GRIN2C: variants seen among roughly 807,000 people sequenced by gnomAD.
GRIN2C encodes the protein glutamate ionotropic receptor NMDA type subunit 2C.
GRIN2C carries 64 observed loss-of-function variants against 77.7 expected under a neutral mutation model. The ratio of observed to expected loss-of-function variants is 0.82; its 90% CI spans 0.67 to 1.01. The LOEUF (loss-of-function observed/expected upper bound fraction) is 1.01. GRIN2C is among the 50% of genes least tolerant of loss of function. The pLI, the probability that GRIN2C is intolerant of heterozygous loss-of-function variation, is 0.00. For missense variants in GRIN2C, 1,549 were observed against 1,486.0 expected (o/e 1.04, Z -0.70); for synonymous variants, 792 against 643.4 (o/e 1.23, Z -3.49).
upstream of GRIN2C, chr17:74,860,891 C>A: frequency 3.9e-6 from 1 of 258,536 alleles, no homozygotes. Flanking sequence ...AGCAGGTGCC[C>A]AGCAGACCTA....
rs761413940 is a variant in GRIN2C, at chr17:74,846,236, A to G, written c.2180T>C (p.Ile727Thr). Reference protein sequence around the residue: ...SLKMGKLDAFIYDAAVLNYMA... With the variant: ...SLKMGKLDAFTYDAAVLNYMA... ...GTAGTTGAGGACAGCAGCATCATAG[A>G]TGAAGGCATCCAGCTTCCTGGGGAC... The change falls in exon 11 of 13, where the codon ATC (isoleucine) becomes ACC (threonine). Residue 727 changes from isoleucine to threonine, a missense_variant. Physicochemically the swap from Ile to Thr is moderately conservative, Grantham distance 89. This residue lies in a region of GRIN2C where 717 missense variants were observed against 858.1 expected (regional missense o/e 0.84). Coordinates refer to ENST00000293190, the MANE Select transcript of GRIN2C (RefSeq NM_000835.6). The surrounding 1 kb of genome is among the most constrained non-coding windows in gnomAD (Gnocchi z 4.4). 6.2e-7 allele frequency: 1 copy of G among 1,614,112 alleles called. No individual in the cohort carries two copies. The highest frequency in any genetic ancestry group is 8.5e-7 in the Non-Finnish European group (1 of 1,179,960).
intron 1 of GRIN2C, among the ~76,000 whole-genome samples, chr17:74,857,054 G>T (rs2037839206): frequency 6.6e-6 from 1 of 152,196 alleles, no homozygotes; most frequent in Non-Finnish European, 1.5e-5. Context: ...CTATGGGTGA[G>T]ACATGGTCCC....
At chr17:74,851,466 A>C in intron 4 of GRIN2C, 111 bp downstream of exon 4, 1 of 648,384 alleles carries the variant, frequency 1.5e-6, no homozygotes, top group Non-Finnish European at 2.8e-6. Context: ...GACCTGGAAG[A>C]TGAGGGGTTG....
At chr17:74,860,392 C>T (rs1480909046), upstream of GRIN2C, 1 of 456,414 alleles carries the variant, frequency 2.2e-6, no homozygotes, top group Non-Finnish European at 4.4e-6. Flanking sequence ...GGCTGGGAAA[C>T]CGAGTGGACG....
In GRIN2C at chr17:74,849,707, CA is replaced by C. The variant is rs2037570866; in HGVS notation, c.1645+72del. ...GAGAGCCCACCCAACTCCCCATCCC[CA>C]CCCAAGCTGTACACACCCTCCTCGT... On this transcript the variant is annotated intron_variant, in intron 7 of 12. Transcript: ENST00000293190. This position sits in a 1 kb window ranked among gnomAD's most constrained non-coding sequence, Gnocchi z 4.6. The C allele has an allele frequency of 7.0e-7, 1 of 1,428,524 alleles. No individual in the cohort carries two copies. The highest frequency in any genetic ancestry group is 1.4e-5 in the African/African-American group (1 of 69,524). The allele number at this position is 1,428,524 out of a possible 1,614,324, so 88.5% of individuals were successfully genotyped here. A position where few individuals can be genotyped will look rare whatever the true frequency, so the allele number is the denominator to read the frequency against.
intron 1 of GRIN2C, 137 bp from the exon 2 acceptor site, chr17:74,855,244 G>A: frequency 1.5e-6 from 1 of 666,002 alleles, no homozygotes; most frequent in Non-Finnish European, 2.4e-6. Context: ...CCGAAGAGAG[G>A]CGGAGAGAGA....
Position 74,847,864 on chromosome 17 carries a change from T to C in GRIN2C, c.1759A>G (p.Thr587Ala), listed in dbSNP as rs1370802216. 3 of 1,613,820 alleles carry C rather than the reference T, an allele frequency of 1.9e-6. No homozygotes were observed. In the African/African-American group the frequency reaches 4.0e-5, roughly 22 times the overall value. Residue 587 changes from threonine (T) to alanine (A), a missense_variant, in exon 8 of 13, where the codon ACC (threonine) becomes GCC (alanine). Transcript: ENST00000293190. The surrounding 1 kb of genome is among the most constrained non-coding windows in gnomAD (Gnocchi z 5.2). ...FSPVSYNQNL[T>A]RGKKSGGPAF... ...AGGCAAGGCTTACTCTTGCCTCTGG[T>C]GAGGTTCTGGTTGTAGCTGACAGGG... is the stretch of plus-strand genomic sequence containing the variant.
chr17:74,844,359 C>G lies in GRIN2C; in HGVS notation c.2500G>C (p.Ala834Pro). 1 of 1,614,148 alleles carries G rather than the reference C, an allele frequency of 6.2e-7. No individual in the cohort carries two copies. Among genetic ancestry groups the G allele is most frequent in the East Asian group, 2.2e-5 (1 of 44,884 alleles). The change falls in exon 12 of 13, where the codon GCC (alanine) becomes CCC (proline). Residue 834 changes from alanine (A) to proline (P), a missense_variant. Around this residue, in one of 3 missense-constraint regions of GRIN2C, gnomAD observed 717 missense variants for 858.1 expected, o/e 0.84. Transcript: ENST00000293190. ...VAMGLALLVF[A>P]WEHLVYWKLR... ...TTCCAGTAGACCAGGTGCTCCCAGGCGAAGACCAGCAGGGCCAGCCCCATG... is the reference window on the plus strand; with the variant it reads ...TTCCAGTAGACCAGGTGCTCCCAGGGGAAGACCAGCAGGGCCAGCCCCATG...
At chr17:74,844,920 CTTATTA>C (rs142914984) in intron 11 of GRIN2C, among the ~76,000 whole-genome samples, 4 of 151,904 alleles carry the variant, frequency 2.6e-5, no homozygotes, top group African/African-American at 4.8e-5. Context: ...TGTGATTGCT[CTTATTA>C]TTATTATTGT....
intron 12 of GRIN2C, 102 bp downstream of exon 12, chr17:74,844,174 G>A: frequency 5.2e-6 from 8 of 1,535,322 alleles, no homozygotes; most frequent in Non-Finnish European, 6.1e-6. Flanking sequence ...AGCCGGGCCA[G>A]AACCTTGGTT....
Position 74,843,017 on chromosome 17 carries a change from G to GCGGCCGGATCGGT in GRIN2C, c.3107_3119dup (p.Phe1042IlefsTer241), listed in dbSNP as rs1468897241. The GCGGCCGGATCGGT allele has an allele frequency of 2.0e-6, 1 of 501,078 alleles. No homozygotes were observed. Among genetic ancestry groups the GCGGCCGGATCGGT allele is most frequent in the Non-Finnish European group, 3.5e-6 (1 of 281,708 alleles). 31.0% of individuals were successfully genotyped at this position (501,078 alleles called of 1,614,324 possible). A position where few individuals can be genotyped will look rare whatever the true frequency, so the allele number is the denominator to read the frequency against. On this transcript the variant is annotated frameshift_variant, in exon 13 of 13. Transcript: ENST00000293190. LOFTEE classifies it low-confidence loss of function (END_TRUNC). ...GCTCCGGGAAGAGCGGGAGGAAGGG[G>GCGGCCGGATCGGT]CGGCCGGATCGGTCGGCTCGAGGAA...
chr17:74,852,334 G>T lies in GRIN2C; in HGVS notation c.677C>A (p.Ala226Asp), dbSNP rs2037676990. The change falls in exon 3 of 13, where the codon GCC (alanine) becomes GAC (aspartate). Residue 226 changes from alanine to aspartate, a missense_variant. Transcript: ENST00000293190. ...CTCGGCCTCCTCGCGCGAGCAGTAG[G>T]CCACAAACACGGGCGCGTCGAGCTG... is the stretch of plus-strand genomic sequence containing the variant. The part of the protein sequence containing the change: ...LRQLDAPVFV[A>D]YCSREEAEVL... 1 of 1,458,326 alleles carries T rather than the reference G, an allele frequency of 6.9e-7. No homozygotes were observed. Among genetic ancestry groups the T allele is most frequent in the Admixed American group, 2.7e-5 (1 of 37,260 alleles). 90.3% of individuals were successfully genotyped at this position (1,458,326 alleles called of 1,614,324 possible). A position where few individuals can be genotyped will look rare whatever the true frequency, so the allele number is the denominator to read the frequency against.
intron 1 of GRIN2C, among the ~76,000 whole-genome samples, chr17:74,856,404 C>A (rs1046912592): frequency 6.6e-6 from 1 of 152,142 alleles, no homozygotes; most frequent in Non-Finnish European, 1.5e-5. Flanking sequence ...AGGGATGGGG[C>A]CCGAGACAAC....
Position 74,849,247 on chromosome 17 carries a change from C to A in GRIN2C, c.1645+533G>T, listed in dbSNP as rs925078833. Among the ~76,000 whole-genome samples the A allele has an allele frequency of 1.3e-5, 2 of 152,252 alleles. No homozygotes were observed. Among genetic ancestry groups the A allele is most frequent in the East Asian group, 3.9e-4 (2 of 5,188 alleles). On this transcript the variant is annotated intron_variant, in intron 7 of 12. Coordinates refer to ENST00000293190, the MANE Select transcript of GRIN2C (RefSeq NM_000835.6). The surrounding 1 kb of genome is among the most constrained non-coding windows in gnomAD (Gnocchi z 4.6). ...TCCTGTCTGGCCAGCCTCAGCTCTT[C>A]CCCTGCCCCTCGCCTGTCTTCACAG...
Position 74,844,261 on chromosome 17 carries a change from G to A in GRIN2C, c.2583+15C>T. On this transcript the variant is annotated intron_variant, in intron 12 of 12. Coordinates refer to ENST00000293190, the MANE Select transcript of GRIN2C (RefSeq NM_000835.6). Reference sequence around the variant, plus strand: ...CTTAAAACTTTGGCCTGTGTGGGGAGGGGTGGGCACCCACCCTGCTGAAAG... The same window carrying A: ...CTTAAAACTTTGGCCTGTGTGGGGAAGGGTGGGCACCCACCCTGCTGAAAG... 1.2e-6 allele frequency: 2 copies of A among 1,612,742 alleles called. No homozygotes were observed. The highest frequency in any genetic ancestry group is 2.2e-5 in the South Asian group (2 of 91,066).
Position 74,849,898 on chromosome 17 carries a change from G to A in GRIN2C, c.1527C>T (p.Ser509=), listed in dbSNP as rs765400572. Residue 509 remains serine, a synonymous_variant, in exon 7 of 13, where the codon TCC becomes TCT. Coordinates refer to ENST00000293190, the MANE Select transcript of GRIN2C (RefSeq NM_000835.6). The surrounding 1 kb of genome is among the most constrained non-coding windows in gnomAD (Gnocchi z 4.6). ...YYKRADMAIG[S]LTINEERSEI... is the part of the protein sequence containing the mutation. ...CGGAGCGTTCCTCATTGATGGTGAG[G>A]GAGCCGATGGCCATGTCTGCCCGCT... 1.9e-6 allele frequency: 3 copies of A among 1,613,512 alleles called. No homozygotes were observed. The highest frequency in any genetic ancestry group is 2.7e-5 in the African/African-American group (2 of 74,878).
rs551687430 is a variant in GRIN2C, at chr17:74,842,093, C to G, written c.*342G>C. On this transcript the variant is annotated 3_prime_UTR_variant, in exon 13 of 13. Transcript: ENST00000293190. ...AACTCTAGCCAGGTAGAGCAAGGAT[C>G]GGGATGGCCCTGCCTCAACCACAAG... The G allele has an allele frequency of 3.3e-4, 95 of 287,964 alleles. 2 individuals are homozygous for G. The highest frequency in any genetic ancestry group is 2.1e-3 in the African/African-American group (92 of 44,640). The allele number at this position is 287,964 out of a possible 1,614,324, so 17.8% of individuals were successfully genotyped here. A position where few individuals can be genotyped will look rare whatever the true frequency, so the allele number is the denominator to read the frequency against.
At chr17:74,851,373 T>C in intron 4 of GRIN2C, 1 of 558,712 alleles carries the variant, frequency 1.8e-6, no homozygotes, top group African/African-American at 1.9e-5. Context: ...AGCCGGGGTG[T>C]TATGGGAGCC....
upstream of GRIN2C, among the ~76,000 whole-genome samples, chr17:74,861,228 G>A (rs1357282207): frequency 6.6e-6 from 1 of 152,154 alleles, no homozygotes; most frequent in East Asian, 1.9e-4. Flanking sequence ...CTCTCCGGCC[G>A]CCCGGGTCAA....
Sources: gnomAD v4.1 joint callset for allele counts (sites outside exome capture counted in the v4.1 genomes callset) on GRCh38, gnomAD v4.1.1 for gene constraint, gnomAD v4.1.1 regional missense constraint, Gnocchi (gnomAD v3.1) non-coding constraint, MANE v1.5 for transcripts, NCBI Gene and HGNC (gene_info 2026-07-23, HGNC 2026-07-21) for gene names.